WWC2: variants seen among roughly 807,000 people sequenced by gnomAD.
The protein encoded by WWC2 is protein WWC2.
WWC2 carries 101 observed loss-of-function variants against 138.5 expected under a neutral mutation model. The ratio of observed to expected loss-of-function variants is 0.73; its 90% CI spans 0.62 to 0.86. The LOEUF is 0.86. Among genes scored for constraint, WWC2 ranks in the 40% least tolerant of loss-of-function variants. The pLI is 0.00. For synonymous variants in WWC2, 558 were observed against 538.4 expected, an observed-to-expected ratio of 1.04 and a Z score of -0.50; for missense variants, 1,420 against 1,419.4, an observed-to-expected ratio of 1.00 and a Z score of -0.01.
At chr4:183,279,288 G>A (rs1337911924) in intron 16 of WWC2, among the ~76,000 whole-genome samples, 3 of 151,854 alleles carry the variant, frequency 2.0e-5, no homozygotes, top group Admixed American at 6.6e-5. Flanking sequence ...TTATTGATTT[G>A]CGTATATTGA....
chr4:183,262,200 G>C (rs778016353), intron 11 of WWC2, among the ~76,000 whole-genome samples: 2 of 152,212 alleles, frequency 1.3e-5, no homozygotes, highest in Non-Finnish European at 2.9e-5. Context: ...CCTTTGCAAA[G>C]CAGGAACTTT....
chr4:183,217,871 C>CTGA (rs1735800769), intron 4 of WWC2, among the ~76,000 whole-genome samples: 3 of 151,930 alleles, frequency 2.0e-5, no homozygotes, highest in South Asian at 4.2e-4. Context: ...TTTGCAGAAA[C>CTGA]TGAAATTATT....
chr4:183,244,798 C>T (rs975053893), intron 5 of WWC2, among the ~76,000 whole-genome samples: 2 of 152,112 alleles, frequency 1.3e-5, no homozygotes, highest in East Asian at 1.9e-4. Flanking sequence ...CATTTGCCCA[C>T]GTCTTTTACC....
At chr4:183,144,136 T>C (rs1733383771) in intron 1 of WWC2, among the ~76,000 whole-genome samples, 1 of 152,238 alleles carries the variant, frequency 6.6e-6, no homozygotes, top group Admixed American at 6.5e-5. Context: ...TCACTTGCAT[T>C]TCTTCAGAAC....
At chr4:183,289,056 G>C (rs1438947163) in intron 20 of WWC2, among the ~76,000 whole-genome samples, 1 of 152,232 alleles carries the variant, frequency 6.6e-6, no homozygotes, top group South Asian at 2.1e-4. Context: ...TTCTTGCCTA[G>C]CTACTGGTTC....
At chr4:183,205,930 C>T (rs941800745) in intron 2 of WWC2, among the ~76,000 whole-genome samples, 4 of 152,158 alleles carry the variant, frequency 2.6e-5, no homozygotes, top group African/African-American at 9.7e-5. Context: ...CATTCACTCA[C>T]AGACTTCTTG....
At position 183,280,799 on chromosome 4, in the gene WWC2, A is replaced by G; in HGVS notation, c.2586A>G (p.Ala862=). Residue 862 remains alanine, a synonymous_variant, in exon 17 of 23, where the codon GCA becomes GCG. Coordinates refer to ENST00000403733, the MANE Select transcript of WWC2 (RefSeq NM_024949.6). ...AGGATGCAGTGTCAGCCTTACTTGCAAGAACATCAGCTGAGTTGTTAGCTG... is the reference window on the plus strand; with the variant it reads ...AGGATGCAGTGTCAGCCTTACTTGCGAGAACATCAGCTGAGTTGTTAGCTG... ...IDLDAVSALL[A]RTSAELLAVE... 2 of 1,604,982 alleles carry G rather than the reference A, an allele frequency of 1.2e-6. No individual in the cohort carries two copies. Among genetic ancestry groups the G allele is most frequent in the Non-Finnish European group, 1.7e-6 (2 of 1,175,684 alleles).
intron 4 of WWC2, among the ~76,000 whole-genome samples, chr4:183,232,873 CCT>C: frequency 6.6e-6 from 1 of 152,042 alleles, no homozygotes; most frequent in East Asian, 1.9e-4. Flanking sequence ...GTCTCGAACT[CCT>C]GACCTCAAGC....
chr4:183,154,026 A>AAAAAAAAAAAAAAAAAACAAAAAAAC (rs1561438959), intron 1 of WWC2, among the ~76,000 whole-genome samples: 3 of 145,594 alleles, frequency 2.1e-5, no homozygotes, highest in African/African-American at 8.3e-5. Context: ...AAAAAAAAAA[A>AAAAAAAAAAAAAAAAAACAAAAAAAC]AACCCCAAAT....
intron 21 of WWC2, among the ~76,000 whole-genome samples, chr4:183,301,693 T>C (rs556284744): frequency 6.6e-6 from 1 of 152,380 alleles, no homozygotes; most frequent in South Asian, 2.1e-4. Context: ...GAGTTTAGGA[T>C]ATTTTTGCTT....
intron 21 of WWC2, among the ~76,000 whole-genome samples, chr4:183,303,060 C>CAAAAAA (rs35439586): frequency 1.2e-5 from 1 of 82,566 alleles, no homozygotes; most frequent in Non-Finnish European, 2.3e-5. Context: ...GACTCCATCT[C>CAAAAAA]AAAAAAAAAA....
Position 183,099,423 on chromosome 4 carries a change from AGCCGCGTTCCC to A in WWC2, c.-61_-51del, listed in dbSNP as rs1289631588. ...TCGCGGGTTGGCAGCCTAGCCCGGC[AGCCGCGTTCCC>A]GCCGCGTCCCGCGCCCGGTACCTAT... On this transcript the variant is annotated 5_prime_UTR_variant, in exon 1 of 23. Transcript: ENST00000403733. 2.0e-5 allele frequency: 24 copies of A among 1,185,178 alleles called. No homozygotes were observed. Among genetic ancestry groups the A allele is most frequent in the Admixed American group, 4.7e-5 (1 of 21,476 alleles). The allele number at this position is 1,185,178 out of a possible 1,614,324, so 73.4% of individuals were successfully genotyped here. A position where few individuals can be genotyped will look rare whatever the true frequency, so the allele number is the denominator to read the frequency against.
intron 14 of WWC2, among the ~76,000 whole-genome samples, chr4:183,267,426 C>T (rs952805220): frequency 6.6e-6 from 1 of 152,200 alleles, no homozygotes; most frequent in African/African-American, 2.4e-5. Flanking sequence ...AGTAGATAAG[C>T]TGTGATGTTG....
chr4:183,106,317 G>A (rs1743355599), intron 1 of WWC2, among the ~76,000 whole-genome samples: 1 of 152,122 alleles, frequency 6.6e-6, no homozygotes, highest in African/African-American at 2.4e-5. Flanking sequence ...CAGTGTGTAT[G>A]TAAGTTGTGA....
chr4:183,172,019 T>C (rs1734303798), intron 1 of WWC2, among the ~76,000 whole-genome samples: 1 of 152,204 alleles, frequency 6.6e-6, no homozygotes, highest in South Asian at 2.1e-4. Flanking sequence ...TATGATTGCA[T>C]TTCCTTTTGT....
At chr4:183,246,421 G>C in intron 6 of WWC2, among the ~76,000 whole-genome samples, 1 of 152,084 alleles carries the variant, frequency 6.6e-6, no homozygotes, top group East Asian at 1.9e-4. Flanking sequence ...TTAACTACTT[G>C]ATGTTGGTTT....
At chr4:183,117,623 CTT>C (rs150384991) in intron 1 of WWC2, among the ~76,000 whole-genome samples, 7 of 141,260 alleles carry the variant, frequency 5.0e-5, no homozygotes, top group Admixed American at 7.1e-5. Context: ...AATTACAAAG[CTT>C]TTTTTTTTTT....
At chr4:183,162,097 G>A (rs59296755) in intron 1 of WWC2, among the ~76,000 whole-genome samples, 4,291 of 152,196 alleles carry the variant, frequency 0.028, 218 homozygotes, top group African/African-American at 0.099. Context: ...ACTTAGGAAG[G>A]AGTATTGCGA....
chr4:183,244,477 C>G (rs553085960), intron 5 of WWC2, among the ~76,000 whole-genome samples: 11 of 152,126 alleles, frequency 7.2e-5, no homozygotes, highest in Admixed American at 2.0e-4. Context: ...GAAATGACTA[C>G]TGCCCTTCTG....
Sources: gnomAD v4.1 joint callset for allele counts (sites outside exome capture counted in the v4.1 genomes callset) on GRCh38, gnomAD v4.1.1 for gene constraint, MANE v1.5 for transcripts, NCBI Gene and HGNC (gene_info 2026-07-23, HGNC 2026-07-21) for gene names.